CDH18: variants seen among roughly 807,000 people sequenced by gnomAD.
CDH18 encodes the protein cadherin-18.
A neutral mutation model predicts 67.9 loss-of-function variants in CDH18; 31 were observed. The observed-to-expected ratio is 0.46, with a 90% CI of 0.34 to 0.62. The LOEUF is 0.62. Ranked by LOEUF, CDH18 falls within the 20% of genes least tolerant of loss-of-function variation. CDH18 has a pLI of 0.01. For missense variants in CDH18, 890 were observed against 975.5 expected (o/e 0.91, Z 1.17); for synonymous variants, 362 against 347.2 (o/e 1.04, Z -0.48).
intron 5 of CDH18, among the ~76,000 whole-genome samples, chr5:19,615,748 T>C (rs1183909101): frequency 1.3e-5 from 2 of 152,216 alleles, no homozygotes; most frequent in African/African-American, 4.8e-5. Context: ...GTCTCCATAG[T>C]TTTGCCTATT....
At chr5:20,087,478 G>A (rs1486864603) in intron 2 of CDH18, among the ~76,000 whole-genome samples, 1 of 57,958 alleles carries the variant, frequency 1.7e-5, no homozygotes, top group African/African-American at 3.2e-5. Context: ...AATTTTTGTG[G>A]GGAAAAAAAA....
intron 5 of CDH18, among the ~76,000 whole-genome samples, chr5:19,718,902 C>T (rs1484204171): frequency 6.6e-5 from 10 of 151,964 alleles, no homozygotes; most frequent in South Asian, 2.1e-4. Context: ...TAATAAGGTA[C>T]TCACTTAAAC....
intron 2 of CDH18, among the ~76,000 whole-genome samples, chr5:19,919,469 C>T (rs551426356): frequency 2.6e-5 from 4 of 152,234 alleles, no homozygotes; most frequent in East Asian, 3.9e-4. Flanking sequence ...AAGCCCATAA[C>T]CTGTGGGATC....
chr5:20,504,582 C>A (rs1040146007), intron 1 of CDH18, among the ~76,000 whole-genome samples: 10 of 151,858 alleles, frequency 6.6e-5, no homozygotes, highest in Non-Finnish European at 1.0e-4. Flanking sequence ...TAGAATCATG[C>A]AAAGAGATTG....
At chr5:20,390,490 A>G (rs1384926798) in intron 1 of CDH18, among the ~76,000 whole-genome samples, 1 of 152,180 alleles carries the variant, frequency 6.6e-6, no homozygotes, top group Non-Finnish European at 1.5e-5. Flanking sequence ...AGGAAACAAC[A>G]GGTGCTGGAG....
At chr5:19,618,851 T>C (rs763663895) in intron 5 of CDH18, among the ~76,000 whole-genome samples, 110 of 152,288 alleles carry the variant, frequency 7.2e-4, no homozygotes, top group Non-Finnish European at 1.2e-3. Flanking sequence ...CAAATTAATA[T>C]GAGTACTAAG....
chr5:19,597,909 C>T (rs1746425277), intron 6 of CDH18, among the ~76,000 whole-genome samples: 1 of 152,024 alleles, frequency 6.6e-6, no homozygotes, highest in South Asian at 2.1e-4. Context: ...TATTCAAAAT[C>T]ATAATTTGAG....
chr5:20,377,280 G>T (rs1479228932), intron 1 of CDH18, among the ~76,000 whole-genome samples: 1 of 152,096 alleles, frequency 6.6e-6, no homozygotes, highest in Non-Finnish European at 1.5e-5. Context: ...ATGTAAACCT[G>T]CAAATTAGTT....
At chr5:19,930,539 C>T (rs995034080) in intron 2 of CDH18, among the ~76,000 whole-genome samples, 2 of 152,026 alleles carry the variant, frequency 1.3e-5, no homozygotes, top group African/African-American at 4.8e-5. Flanking sequence ...GTTCTACAAT[C>T]ATATCAATCA....
intron 5 of CDH18, among the ~76,000 whole-genome samples, chr5:19,685,483 A>G (rs1253064274): frequency 6.6e-6 from 1 of 152,050 alleles, no homozygotes; most frequent in East Asian, 1.9e-4. Context: ...TTCCTTTCTG[A>G]CTGTCTCCCA....
intron 2 of CDH18, among the ~76,000 whole-genome samples, chr5:20,188,006 C>A (rs962211610): frequency 1.3e-5 from 2 of 151,686 alleles, no homozygotes; most frequent in Non-Finnish European, 2.9e-5. Context: ...CTTCTGTGAA[C>A]CAAATAATTA....
intron 2 of CDH18, among the ~76,000 whole-genome samples, chr5:19,944,085 C>A (rs1359972463): frequency 6.6e-6 from 1 of 151,982 alleles, no homozygotes; most frequent in East Asian, 1.9e-4. Context: ...GATGAATGTA[C>A]CTCCTTGACA....
chr5:19,955,818 A>T (rs1322552227), intron 2 of CDH18, among the ~76,000 whole-genome samples: 3 of 152,110 alleles, frequency 2.0e-5, no homozygotes, highest in Non-Finnish European at 4.4e-5. Flanking sequence ...GTGTGAAAAC[A>T]GATTTGTGGA....
chr5:20,547,999 G>T (rs1302780428), intron 1 of CDH18, among the ~76,000 whole-genome samples: 1 of 151,468 alleles, frequency 6.6e-6, no homozygotes, highest in East Asian at 1.9e-4. Flanking sequence ...AAATAGATTT[G>T]TATTCAGTAA....
chr5:19,744,094 TATAGTA>T (rs1447026600), intron 4 of CDH18, among the ~76,000 whole-genome samples: 1 of 152,154 alleles, frequency 6.6e-6, no homozygotes, highest in Admixed American at 6.5e-5. Context: ...TTTGTTTTCC[TATAGTA>T]ATGAGTGTAT....
chr5:19,781,658 G>A (rs929491736), intron 3 of CDH18, among the ~76,000 whole-genome samples: 8 of 151,854 alleles, frequency 5.3e-5, no homozygotes, highest in Non-Finnish European at 1.2e-4. Context: ...TAAATGATTT[G>A]GTATTTTCAT....
chr5:20,072,817 C>G (rs1743599607), intron 2 of CDH18, among the ~76,000 whole-genome samples: 1 of 151,650 alleles, frequency 6.6e-6, no homozygotes, highest in Non-Finnish European at 1.5e-5. Context: ...ATTAATTTTA[C>G]TTAGTATTTT....
intron 2 of CDH18, among the ~76,000 whole-genome samples, chr5:20,082,391 GTAA>G (rs1202736092): frequency 9.8e-5 from 15 of 152,310 alleles, no homozygotes; most frequent in Admixed American, 9.8e-4. Context: ...GAAATTAAAA[GTAA>G]TAATAGAAAT....
intron 5 of CDH18, among the ~76,000 whole-genome samples, chr5:19,636,309 T>G (rs942216628): frequency 1.4e-4 from 21 of 152,198 alleles, no homozygotes; most frequent in African/African-American, 5.1e-4. Flanking sequence ...TATGGCTACC[T>G]CTACATAATT....
Sources: allele counts gnomAD v4.1 joint callset (sites outside exome capture counted in the v4.1 genomes callset), GRCh38; gene constraint gnomAD v4.1.1; transcripts MANE v1.5; gene names NCBI Gene and HGNC (gene_info 2026-07-23, HGNC 2026-07-21).